The following NPC1 variants were observed in gnomAD, a reference collection of about 807,000 sequenced individuals.
The protein encoded by NPC1 is NPC intracellular cholesterol transporter 1, also known as Niemann-Pick C1 protein.
In NPC1, 85 loss-of-function variants were observed where a neutral mutation model predicts 140.4. That is an observed-to-expected ratio of 0.61 (90% confidence interval 0.51 to 0.72). The LOEUF (loss-of-function observed/expected upper bound fraction) is 0.72, where lower values mean the gene tolerates loss of function less well. Among genes scored for constraint, NPC1 ranks in the 30% least tolerant of loss-of-function variants. NPC1 has a pLI of 0.00. For synonymous variants in NPC1, 656 were observed against 624.8 expected (o/e 1.05, Z -0.74); for missense variants, 1,504 against 1,623.8 (o/e 0.93, Z 1.27).
chr18:23,536,873 TC>T lies in NPC1; in HGVS notation c.3044del (p.Gly1015AspfsTer25), dbSNP rs1944297450. Reference sequence around the variant, plus strand: ...TAACTGCAGAACTATAGGCAGCATGTCCCCTGAGGAAAGAATCCTGGGTGTC... The same window carrying T: ...TAACTGCAGAACTATAGGCAGCATGTCCCTGAGGAAAGAATCCTGGGTGTC... ...DNPNPKCGKG[G>X]HAAYSSAVNI... On this transcript the variant is annotated frameshift_variant and splice_region_variant, in exon 21 of 25. Transcript: ENST00000269228. LOFTEE classifies it high-confidence loss of function. 2 of 1,613,388 alleles carry T rather than the reference TC, an allele frequency of 1.2e-6. No homozygotes were observed. The highest frequency in any genetic ancestry group is 1.7e-6 in the Non-Finnish European group (2 of 1,179,754).
intron 4 of NPC1, among the ~76,000 whole-genome samples, chr18:23,562,839 A>T (rs909619649): frequency 2.0e-5 from 3 of 151,594 alleles, no homozygotes; most frequent in Admixed American, 6.6e-5. Flanking sequence ...ATAAAAAAAT[A>T]AAAAAAAATT....
intron 10 of NPC1, among the ~76,000 whole-genome samples, chr18:23,548,600 TC>T (rs1216087170): frequency 2.0e-5 from 3 of 152,186 alleles, no homozygotes; most frequent in African/African-American, 7.2e-5. Context: ...AAATTTTGTA[TC>T]TTGGAGACTG....
chr18:23,516,370 G>A (rs750621524), intron 3 of NPC1: 89 of 1,614,076 alleles, frequency 5.5e-5, no homozygotes, highest in Non-Finnish European at 6.8e-5. Flanking sequence ...TACCAGCTGC[G>A]CCTAAGTCAA....
At chr18:23,519,518 C>T (rs929850913), downstream of NPC1, among the ~76,000 whole-genome samples, 3 of 143,344 alleles carry the variant, frequency 2.1e-5, no homozygotes, top group South Asian at 2.2e-4. Context: ...ATCCTGTCTC[C>T]GAAAAAAAAA....
In NPC1 at chr18:23,539,761, C is replaced by T. The variant is rs1366304796; in HGVS notation, c.2795+50G>A. ...TTTCAGGCCTGAGCTGACTGCCTGG[C>T]TGAGAGCCTCCTCCGCTGCTTCTGA... On this transcript the variant is annotated intron_variant, in intron 18 of 24. Transcript: ENST00000269228. 5.7e-6 allele frequency: 9 copies of T among 1,588,424 alleles called. No homozygotes were observed. In the Admixed American group the frequency reaches 1.0e-4, roughly 18 times the overall value.
downstream of NPC1, chr18:23,518,923 T>C: frequency 6.2e-7 from 1 of 1,614,190 alleles, no homozygotes; most frequent in Non-Finnish European, 8.5e-7. Flanking sequence ...TCTTGAGGCA[T>C]CATTCTCGGA....
chr18:23,536,688 C>A lies in NPC1; in HGVS notation c.3230G>T (p.Arg1077Leu). The A allele has an allele frequency of 6.2e-7, 1 of 1,613,894 alleles. No homozygotes were observed. Among genetic ancestry groups the A allele is most frequent in the South Asian group, 1.1e-5 (1 of 91,022 alleles). ...ETMGINGSAYRVFPYSVFYVF... is the reference protein window; with the variant it reads ...ETMGINGSAYLVFPYSVFYVF... ...CAGGCTTTACCTGTAAGGAAATACTCGGTAGGCACTGCCGTTAATGCCCAT... is the reference window on the plus strand; with the variant it reads ...CAGGCTTTACCTGTAAGGAAATACTAGGTAGGCACTGCCGTTAATGCCCAT... The change falls in exon 21 of 25, where the codon CGA (arginine) becomes CTA (leucine). Residue 1077 changes from arginine (R) to leucine (L), a missense_variant. By Grantham distance (102) the Arg-to-Leu change is moderately radical. Coordinates refer to ENST00000269228, the MANE Select transcript of NPC1 (RefSeq NM_000271.5).
At chr18:23,574,481 G>T (rs982394234) in intron 1 of NPC1, among the ~76,000 whole-genome samples, 2 of 152,122 alleles carry the variant, frequency 1.3e-5, no homozygotes, top group Non-Finnish European at 2.9e-5. Context: ...GTCACAACAT[G>T]AAATTCTCTC....
rs200243024 is a variant in NPC1, at chr18:23,556,475, G to A, written c.1094C>T (p.Ser365Leu). 86 of 1,614,040 alleles carry A rather than the reference G, an allele frequency of 5.3e-5. No homozygotes were observed. Among genetic ancestry groups the A allele is most frequent in the Non-Finnish European group, 7.1e-5 (84 of 1,180,028 alleles). The change falls in exon 8 of 25, where the codon TCG (serine) becomes TTG (leucine). Residue 365 changes from serine (S) to leucine (L), a missense_variant. Coordinates refer to ENST00000269228, the MANE Select transcript of NPC1 (RefSeq NM_000271.5). ...FFSLVFITAC[S>L]SGLVFVRVTT... ...GACCCGGACAAACACCAGGCCTGAC[G>A]AACACGCAGTAATGAAGACCAGCGA...
At chr18:23,558,320 G>T (rs979291961) in intron 6 of NPC1, among the ~76,000 whole-genome samples, 6 of 152,162 alleles carry the variant, frequency 3.9e-5, no homozygotes, top group Non-Finnish European at 8.8e-5. Flanking sequence ...TTGAGCAAGT[G>T]ATCAAGGTTA....
intron 1 of NPC1, chr18:23,524,120 CA>C: frequency 1.2e-6 from 2 of 1,614,104 alleles, no homozygotes; most frequent in Non-Finnish European, 1.7e-6. Flanking sequence ...TATGTTTTCT[CA>C]ATTTGTAGGT....
At chr18:23,531,400 G>T (rs2058500232), downstream of NPC1, 4 of 833,980 alleles carry the variant, frequency 4.8e-6, no homozygotes, top group Non-Finnish European at 5.1e-6. Context: ...CTAGCTCAAT[G>T]TAAGACGGCA....
chr18:23,536,647 C>A (rs918694743), intron 21 of NPC1, 26 bp downstream of exon 21: 2 of 1,599,272 alleles, frequency 1.3e-6, no homozygotes, highest in Non-Finnish European at 1.7e-6. Context: ...GCTGGGTAAA[C>A]CCCATTGAAA....
chr18:23,532,737 T>C, intron 24 of NPC1: 1 of 236,816 alleles, frequency 4.2e-6, no homozygotes, highest in Non-Finnish European at 6.8e-6. Flanking sequence ...GTATATTAGA[T>C]TGTAATAGAA....
intron 1 of NPC1, among the ~76,000 whole-genome samples, chr18:23,585,025 C>T (rs1020058996): frequency 1.3e-5 from 2 of 151,990 alleles, no homozygotes; most frequent in African/African-American, 4.8e-5. Flanking sequence ...CACGCCTGGG[C>T]AACAGAGCAA....
At chr18:23,534,203 T>C (rs1387388025) in intron 23 of NPC1, 2 of 592,340 alleles carry the variant, frequency 3.4e-6, no homozygotes, top group Non-Finnish European at 6.1e-6. Flanking sequence ...AGCTGTCTCA[T>C]GTTTAACTTG....
chr18:23,540,563 C>T, intron 16 of NPC1, 26 bp from the exon 17 acceptor site: 3 of 1,458,146 alleles, frequency 2.1e-6, no homozygotes, highest in Non-Finnish European at 2.9e-6. Flanking sequence ...AATCATAAGA[C>T]AGAGACTGCT....
intron 23 of NPC1, chr18:23,534,202 A>T: frequency 1.7e-6 from 1 of 590,958 alleles, no homozygotes; most frequent in South Asian, 1.9e-5. Flanking sequence ...CAGCTGTCTC[A>T]TGTTTAACTT....
At chr18:23,518,488 T>C (rs565773784), downstream of NPC1, among the ~76,000 whole-genome samples, 1 of 152,082 alleles carries the variant, frequency 6.6e-6, no homozygotes, top group South Asian at 2.1e-4. Flanking sequence ...AGGGAGACCC[T>C]GTCTCTGAAA....
Sources: allele counts gnomAD v4.1 joint callset (sites outside exome capture counted in the v4.1 genomes callset), GRCh38; gene constraint gnomAD v4.1.1; transcripts MANE v1.5; gene names NCBI Gene and HGNC (gene_info 2026-07-23, HGNC 2026-07-21).